Variants in ADAMTS2 observed in about 807,000 individuals in gnomAD.
The protein encoded by ADAMTS2 is ADAM metallopeptidase with thrombospondin type 1 motif 2.
ADAMTS2 carries 50 observed loss-of-function variants against 123.0 expected under a neutral mutation model. The observed-to-expected ratio is 0.41, with a 90% CI of 0.32 to 0.51. The LOEUF (loss-of-function observed/expected upper bound fraction) is 0.51, where lower values mean the gene tolerates loss of function less well. Among genes scored for constraint, ADAMTS2 ranks in the 20% least tolerant of loss-of-function variants. The pLI is 0.35. For synonymous variants in ADAMTS2, 678 were observed against 695.4 expected, an observed-to-expected ratio of 0.98 and a Z score of 0.39; for missense variants, 1,494 against 1,705.2, an observed-to-expected ratio of 0.88 and a Z score of 2.18.
intron 3 of ADAMTS2, among the ~76,000 whole-genome samples, chr5:179,239,150 A>C (rs1336215434): frequency 1.3e-5 from 2 of 152,290 alleles, no homozygotes; most frequent in East Asian, 1.9e-4. Context: ...TGTGTTGAGG[A>C]CACATGGGGG....
At position 179,312,775 on chromosome 5, in the gene ADAMTS2, C is replaced by A. The variant is rs1410493239; in HGVS notation, c.534+30992G>T. Among the ~76,000 whole-genome samples, 3 of 152,208 alleles carry A rather than the reference C, an allele frequency of 2.0e-5. No individual in the cohort carries two copies. Among genetic ancestry groups the A allele is most frequent in the Non-Finnish European group, 4.4e-5 (3 of 68,030 alleles). On this transcript the variant is annotated intron_variant, in intron 2 of 21. Transcript: ENST00000251582. The surrounding 1 kb of genome is among the most constrained non-coding windows in gnomAD (Gnocchi z 4.2). Reference sequence around the variant, plus strand: ...GGACCTGGAAGAGCCCAGGACGCATCCTCCCCTAGAGGCTCCGGAGGGAGC... The same window carrying A: ...GGACCTGGAAGAGCCCAGGACGCATACTCCCCTAGAGGCTCCGGAGGGAGC...
Position 179,253,117 on chromosome 5 carries a change from T to C in ADAMTS2, c.688+19794A>G, listed in dbSNP as rs143229949. Among the ~76,000 whole-genome samples, 864 of 152,294 alleles carry C rather than the reference T, an allele frequency of 5.7e-3. 11 individuals carry two copies. The highest frequency in any genetic ancestry group is 0.02 in the African/African-American group (826 of 41,550). ...TCTGTTTCCATACTTTACTTTCCAC[T>C]TTTTCTTGCCTTTACACTTTACTCT... On this transcript the variant is annotated intron_variant, in intron 3 of 21. Coordinates refer to ENST00000251582, the MANE Select transcript of ADAMTS2 (RefSeq NM_014244.5).
At chr5:179,165,431 T>C (rs1262166427) in intron 5 of ADAMTS2, among the ~76,000 whole-genome samples, 1 of 152,188 alleles carries the variant, frequency 6.6e-6, no homozygotes. Context: ...CAGTCCTGAA[T>C]GCACCTGACT....
At chr5:179,154,001 AC>A in intron 8 of ADAMTS2, 47 bp downstream of exon 8, 1 of 1,570,534 alleles carries the variant, frequency 6.4e-7, no homozygotes, top group Non-Finnish European at 8.6e-7. Context: ...CCCAGAGCTG[AC>A]CCCAGGGACT....
chr5:179,207,470 G>A, intron 4 of ADAMTS2, 43 bp downstream of exon 4: 1 of 1,323,550 alleles, frequency 7.6e-7, no homozygotes. Context: ...GCCCCTGGTT[G>A]ACCCTCCCCG....
In ADAMTS2 at chr5:179,112,196, T is replaced by C. The variant is rs1762578875; in HGVS notation, c.*1671A>G. ...ATGCTGTTATCCTGAGCCTCATCCATATAATGGGGAAATACACATGAACAA... is the reference window on the plus strand; with the variant it reads ...ATGCTGTTATCCTGAGCCTCATCCACATAATGGGGAAATACACATGAACAA... On this transcript the variant is annotated 3_prime_UTR_variant, in exon 22 of 22. Transcript: ENST00000251582. The C allele has an allele frequency of 6.6e-6, 1 of 152,178 alleles. No homozygotes were observed. The highest frequency in any genetic ancestry group is 1.5e-5 in the Non-Finnish European group (1 of 68,038). 9.4% of individuals were successfully genotyped at this position (152,178 alleles called of 1,614,324 possible). A position where few individuals can be genotyped will look rare whatever the true frequency, so the allele number is the denominator to read the frequency against.
In ADAMTS2 at chr5:179,121,654, C is replaced by T. The variant is rs774767519; in HGVS notation, c.3178+7G>A. On this transcript the variant is annotated splice_region_variant and intron_variant, in intron 21 of 21. Coordinates refer to ENST00000251582, the MANE Select transcript of ADAMTS2 (RefSeq NM_014244.5). Reference sequence around the variant, plus strand: ...GGCAGAGGCAGAGTTATAAACGGGTCGGTTACTTGACGAGATCTTCCGGAT... The same window carrying T: ...GGCAGAGGCAGAGTTATAAACGGGTTGGTTACTTGACGAGATCTTCCGGAT... 18 of 1,598,340 alleles carry T rather than the reference C, an allele frequency of 1.1e-5. No homozygotes were observed. In the African/African-American group the frequency reaches 1.3e-4, roughly 12 times the overall value.
At chr5:179,343,029 C>T (rs1312533924) in intron 2 of ADAMTS2, among the ~76,000 whole-genome samples, 1 of 152,222 alleles carries the variant, frequency 6.6e-6, no homozygotes, top group African/African-American at 2.4e-5. Context: ...CTAGAGCCTT[C>T]ATTTCCAAAT....
intron 10 of ADAMTS2, among the ~76,000 whole-genome samples, chr5:179,149,887 T>C (rs1326822001): frequency 1.3e-5 from 2 of 152,068 alleles, no homozygotes; most frequent in Non-Finnish European, 1.5e-5. Context: ...ACAACTATCT[T>C]TAATACATAA....
intron 8 of ADAMTS2, 48 bp downstream of exon 8, chr5:179,154,001 A>G: frequency 6.4e-7 from 1 of 1,570,536 alleles, no homozygotes; most frequent in Non-Finnish European, 8.6e-7. Context: ...CCCAGAGCTG[A>G]CCCCAGGGAC....
chr5:179,136,053 A>G lies in ADAMTS2; in HGVS notation c.1952-11T>C, dbSNP rs1417693499. 3 of 1,613,154 alleles carry G rather than the reference A, an allele frequency of 1.9e-6. No homozygotes were observed. The highest frequency in any genetic ancestry group is 2.5e-6 in the Non-Finnish European group (3 of 1,179,992). ...GGCATCTCTCCTTGGCTGGAAGGGA[A>G]GCAGCTGGGGGTCTGCAAGGAGCCC... On this transcript the variant is annotated splice_polypyrimidine_tract_variant and intron_variant, in intron 12 of 21. Transcript: ENST00000251582.
At chr5:179,221,110 G>T (rs529727389) in intron 3 of ADAMTS2, among the ~76,000 whole-genome samples, 23 of 152,224 alleles carry the variant, frequency 1.5e-4, no homozygotes, top group Admixed American at 1.4e-3. Context: ...TGCACGGTGG[G>T]CCACACTGTG....
Position 179,244,001 on chromosome 5 carries a change from A to G in ADAMTS2, c.688+28910T>C, listed in dbSNP as rs566849396. On this transcript the variant is annotated intron_variant, in intron 3 of 21. Transcript: ENST00000251582. ...ACACAGGGAAAAAAGAATGAAGAAA[A>G]GTAAACGGAACTTAAGAAAAATGTG... Among the ~76,000 whole-genome samples, 3 of 152,344 alleles carry G rather than the reference A, an allele frequency of 2.0e-5. No homozygotes were observed. The East Asian group carries it at 5.8e-4, about 29-fold the overall frequency.
intron 3 of ADAMTS2, among the ~76,000 whole-genome samples, chr5:179,232,713 C>T (rs142581012): frequency 9.1e-4 from 138 of 152,188 alleles, no homozygotes; most frequent in African/African-American, 3.2e-3. Flanking sequence ...ATGAGTAGAT[C>T]GGTAAAGTGC....
At chr5:179,270,222 A>G (rs13158356) in intron 3 of ADAMTS2, among the ~76,000 whole-genome samples, 49,755 of 151,986 alleles carry the variant, frequency 0.33, 9,571 homozygotes, top group Non-Finnish European at 0.41. Flanking sequence ...GATCACCCTG[A>G]GCAGCCCGTG....
At chr5:179,316,941 A>G (rs923210877) in intron 2 of ADAMTS2, among the ~76,000 whole-genome samples, 6 of 152,150 alleles carry the variant, frequency 3.9e-5, no homozygotes, top group African/African-American at 7.2e-5. Context: ...CCTGTCTCAA[A>G]AAAAGGAAAT....
intron 3 of ADAMTS2, among the ~76,000 whole-genome samples, chr5:179,257,803 G>A (rs1012399879): frequency 1.6e-4 from 24 of 152,186 alleles, no homozygotes; most frequent in Admixed American, 5.9e-4. Context: ...CACTGAGGCC[G>A]CCTCCTGACC....
rs1433073598 is a variant in ADAMTS2 at position 179,189,438 on chromosome 5, C to T, written c.892-8283G>A. On this transcript the variant is annotated intron_variant, in intron 4 of 21. Transcript: ENST00000251582. The surrounding 1 kb of genome is among the most constrained non-coding windows in gnomAD (Gnocchi z 4.2). ...TCTCAGCTCACTGCCAGCTCCACCT[C>T]CCAGGTTCATGCCATTCTCTTGCCT... Among the ~76,000 whole-genome samples the T allele has an allele frequency of 6.6e-6, 1 of 150,864 alleles. No individual in the cohort carries two copies. The highest frequency in any genetic ancestry group is 1.5e-5 in the Non-Finnish European group (1 of 67,824).
rs1343715128 is a variant in ADAMTS2 at position 179,317,427 on chromosome 5, G to T, written c.534+26340C>A. On this transcript the variant is annotated intron_variant, in intron 2 of 21. Transcript: ENST00000251582. This position sits in a 1 kb window ranked among gnomAD's most constrained non-coding sequence, Gnocchi z 4.9. ...AACAGGAAAGGAGCTTGAAGACCCA[G>T]GAGGCCACAGCACAGTTCCTCGTGG... Among the ~76,000 whole-genome samples, 1 of 152,216 alleles carries T rather than the reference G, an allele frequency of 6.6e-6. No homozygotes were observed. Among genetic ancestry groups the T allele is most frequent in the East Asian group, 1.9e-4 (1 of 5,196 alleles).
Sources: gnomAD v4.1 joint callset for allele counts (sites outside exome capture counted in the v4.1 genomes callset) on GRCh38, gnomAD v4.1.1 for gene constraint, Gnocchi (gnomAD v3.1) non-coding constraint, MANE v1.5 for transcripts, NCBI Gene and HGNC (gene_info 2026-07-23, HGNC 2026-07-21) for gene names.